Variants in SEMA3A observed in about 807,000 individuals in gnomAD.
The protein encoded by SEMA3A is semaphorin-3A.
Under a neutral mutation model 97.9 loss-of-function variants are expected in SEMA3A, and 29 were observed. That is an observed-to-expected ratio of 0.30 (90% CI 0.22 to 0.40). The LOEUF (loss-of-function observed/expected upper bound fraction) is 0.40. Ranked by LOEUF, SEMA3A falls within the 10% of genes least tolerant of loss-of-function variation. The probability of loss-of-function intolerance (pLI) is 1.00; values close to 1 mark genes in which losing one functional copy is unlikely to be tolerated. For synonymous variants in SEMA3A, 321 were observed against 323.7 expected (o/e 0.99, Z 0.09); for missense variants, 763 against 951.3 (o/e 0.80, Z 2.60).
At chr7:84,050,722 C>T (rs563585592) in intron 5 of SEMA3A, among the ~76,000 whole-genome samples, 1 of 152,114 alleles carries the variant, frequency 6.6e-6, no homozygotes, top group Non-Finnish European at 1.5e-5. Flanking sequence ...AATTAGATCC[C>T]ATTTGTTGAT....
intron 3 of SEMA3A, among the ~76,000 whole-genome samples, chr7:84,273,893 G>C (rs535269299): frequency 1.3e-5 from 2 of 151,874 alleles, no homozygotes; most frequent in South Asian, 4.2e-4. Flanking sequence ...CTCTTCAAAT[G>C]ATTTGTCTGT....
chr7:84,293,109 A>G (rs1407776930), intron 3 of SEMA3A, among the ~76,000 whole-genome samples: 1 of 152,080 alleles, frequency 6.6e-6, no homozygotes, highest in Non-Finnish European at 1.5e-5. Context: ...ATGGATAAGG[A>G]AGAAAAATAA....
chr7:84,365,211 C>G (rs1462775899), intron 2 of SEMA3A, among the ~76,000 whole-genome samples: 1 of 151,492 alleles, frequency 6.6e-6, no homozygotes, highest in Non-Finnish European at 1.5e-5. Context: ...TTACAAAAGT[C>G]TACGTGCCAG....
chr7:84,201,664 T>C (rs1358357049), intron 3 of SEMA3A, among the ~76,000 whole-genome samples: 1 of 152,140 alleles, frequency 6.6e-6, no homozygotes, highest in African/African-American at 2.4e-5. Flanking sequence ...AAAAATTCCA[T>C]GTTTTTCTTA....
intron 1 of SEMA3A, among the ~76,000 whole-genome samples, chr7:84,406,696 A>C: frequency 6.6e-6 from 1 of 152,202 alleles, no homozygotes. Context: ...CAAAAAGCTT[A>C]TCCACCATGA....
At chr7:84,252,466 G>C (rs555062878) in intron 3 of SEMA3A, among the ~76,000 whole-genome samples, 1 of 152,248 alleles carries the variant, frequency 6.6e-6, no homozygotes, top group East Asian at 1.9e-4. Context: ...CAGCAAAATG[G>C]GCTACATGTA....
At chr7:84,072,202 T>C (rs1450753011) in intron 4 of SEMA3A, among the ~76,000 whole-genome samples, 3 of 152,128 alleles carry the variant, frequency 2.0e-5, no homozygotes, top group Non-Finnish European at 4.4e-5. Context: ...ATCTTTATAA[T>C]CTTGTTCCTC....
intron 4 of SEMA3A, among the ~76,000 whole-genome samples, chr7:84,076,576 A>G (rs1271295869): frequency 6.6e-6 from 1 of 152,134 alleles, no homozygotes; most frequent in Non-Finnish European, 1.5e-5. Flanking sequence ...GTTCAAGCAT[A>G]TATTAGATCC....
intron 3 of SEMA3A, among the ~76,000 whole-genome samples, chr7:84,212,462 A>G (rs1273780713): frequency 2.0e-5 from 3 of 152,224 alleles, no homozygotes; most frequent in Non-Finnish European, 4.4e-5. Context: ...TTCACTGATC[A>G]CAATGTAATA....
At chr7:84,000,336 C>A (rs1053833236) in intron 12 of SEMA3A, among the ~76,000 whole-genome samples, 1 of 151,904 alleles carries the variant, frequency 6.6e-6, no homozygotes, top group African/African-American at 2.4e-5. Flanking sequence ...CTTTAGCATA[C>A]AAATTATTAT....
intron 2 of SEMA3A, among the ~76,000 whole-genome samples, chr7:84,346,504 G>A (rs2116006790): frequency 6.6e-6 from 1 of 152,174 alleles, no homozygotes; most frequent in South Asian, 2.1e-4. Context: ...ACACTTAGAG[G>A]CCATCGTCAG....
intron 3 of SEMA3A, among the ~76,000 whole-genome samples, chr7:84,119,452 T>C (rs1428723032): frequency 6.6e-6 from 1 of 152,210 alleles, no homozygotes; most frequent in Admixed American, 6.5e-5. Flanking sequence ...AGTAGACGTA[T>C]ATTAAAATTA....
intron 5 of SEMA3A, among the ~76,000 whole-genome samples, chr7:84,047,979 G>C (rs1423896157): frequency 6.6e-6 from 1 of 151,976 alleles, no homozygotes; most frequent in East Asian, 1.9e-4. Context: ...AAGCGACACA[G>C]AGAAAATCAC....
chr7:84,023,622 G>A (rs763952674), intron 6 of SEMA3A, among the ~76,000 whole-genome samples: 3 of 152,090 alleles, frequency 2.0e-5, no homozygotes, highest in Non-Finnish European at 4.4e-5. Flanking sequence ...CAGGGAAGGC[G>A]GAACATATAA....
At chr7:84,424,501 AATATATAAATATTAATATATGTT>A (rs1469124323) in intron 1 of SEMA3A, among the ~76,000 whole-genome samples, 2,722 of 97,522 alleles carry the variant, frequency 0.028, 12 homozygotes, top group East Asian at 0.074. Context: ...TATAATATAT[AATATATAAATATTAATATATGTT>A]ATATATAATA....
At chr7:84,393,637 C>T (rs12669232) in intron 1 of SEMA3A, among the ~76,000 whole-genome samples, 17,033 of 152,136 alleles carry the variant, frequency 0.11, 1,201 homozygotes, top group East Asian at 0.28. Context: ...AGGCAAATGT[C>T]TTCTGTTTTA....
intron 2 of SEMA3A, among the ~76,000 whole-genome samples, chr7:84,369,683 T>G (rs1028607874): frequency 6.6e-6 from 1 of 150,562 alleles, no homozygotes; most frequent in East Asian, 1.9e-4. Flanking sequence ...GGTGAAAATC[T>G]AGGTACTGTT....
At chr7:84,306,325 T>C (rs1041397745) in intron 3 of SEMA3A, 3 of 152,044 alleles carry the variant, frequency 2.0e-5, no homozygotes, top group East Asian at 1.9e-4. Context: ...AGGAACCCAA[T>C]AAAATTGTGA....
At chr7:84,052,336 A>C (rs542078038) in intron 5 of SEMA3A, among the ~76,000 whole-genome samples, 1 of 152,016 alleles carries the variant, frequency 6.6e-6, no homozygotes. Flanking sequence ...GAATCCATCT[A>C]GTCCTGCACT....
Sources: allele counts gnomAD v4.1 joint callset (sites outside exome capture counted in the v4.1 genomes callset), GRCh38; gene constraint gnomAD v4.1.1; transcripts MANE v1.5; gene names NCBI Gene and HGNC (gene_info 2026-07-23, HGNC 2026-07-21).